SLC2A9: variants seen among roughly 807,000 people sequenced by gnomAD.
SLC2A9 encodes solute carrier family 2 member 9, also known as solute carrier family 2, facilitated glucose transporter member 9.
SLC2A9 carries 39 observed loss-of-function variants against 50.6 expected under a neutral mutation model. The ratio of observed to expected loss-of-function variants is 0.77; its 90% CI spans 0.60 to 1.01. SLC2A9 has a LOEUF of 1.01. SLC2A9 is among the 50% of genes least tolerant of loss of function. The probability of loss-of-function intolerance (pLI) is 0.00; values close to 1 mark genes in which losing one functional copy is unlikely to be tolerated. For synonymous variants in SLC2A9, 324 were observed against 276.9 expected (o/e 1.17, Z -1.69); for missense variants, 686 against 677.6 (o/e 1.01, Z -0.14).
intron 10 of SLC2A9, 95 bp from the exon 11 acceptor site, chr4:9,835,103 C>A (rs949499667): frequency 1.3e-6 from 2 of 1,574,012 alleles, no homozygotes; most frequent in Non-Finnish European, 1.7e-6. Flanking sequence ...AACCCCCCCA[C>A]CCCTGCCCCT....
At chr4:9,970,225 G>A (rs1020301697) in intron 5 of SLC2A9, among the ~76,000 whole-genome samples, 2 of 152,144 alleles carry the variant, frequency 1.3e-5, no homozygotes, top group South Asian at 2.1e-4. Context: ...GAGCAGCATC[G>A]GACATGCTTT....
intron 3 of SLC2A9, chr4:9,783,275 AAC>A (rs1486552777): frequency 1.2e-6 from 2 of 1,614,036 alleles, no homozygotes; most frequent in African/African-American, 2.7e-5. Flanking sequence ...CATGATGCCC[AAC>A]GCCGTTACCC....
At chr4:9,910,007 T>C (rs1054260413) in intron 7 of SLC2A9, among the ~76,000 whole-genome samples, 3 of 152,202 alleles carry the variant, frequency 2.0e-5, no homozygotes, top group Admixed American at 6.5e-5. Flanking sequence ...TATTCATGCA[T>C]TGGGGGGAAG....
chr4:9,777,755 C>A (rs370995440), downstream of SLC2A9, among the ~76,000 whole-genome samples: 2 of 152,260 alleles, frequency 1.3e-5, no homozygotes, highest in East Asian at 3.9e-4. Flanking sequence ...GAGGGCCAGG[C>A]GGTGATGTGA....
At chr4:9,810,623 G>A (rs1237681683) in intron 3 of SLC2A9, among the ~76,000 whole-genome samples, 1 of 152,244 alleles carries the variant, frequency 6.6e-6, no homozygotes, top group African/African-American at 2.4e-5. Context: ...ATTAAGAAAA[G>A]TCAGTGTTCA....
intron 10 of SLC2A9, among the ~76,000 whole-genome samples, chr4:9,876,892 AGTTTT>A (rs1224290324): frequency 6.6e-6 from 1 of 152,224 alleles, no homozygotes; most frequent in Non-Finnish European, 1.5e-5. Flanking sequence ...GCTACTATTT[AGTTTT>A]AAGTCTAGAT....
At chr4:9,970,138 A>G (rs1174047187) in intron 5 of SLC2A9, among the ~76,000 whole-genome samples, 2 of 152,106 alleles carry the variant, frequency 1.3e-5, no homozygotes, top group African/African-American at 4.8e-5. Flanking sequence ...CCGCTAGGGA[A>G]CCTGATAATA....
chr4:9,824,617 C>T (rs949715167), downstream of SLC2A9, among the ~76,000 whole-genome samples: 5 of 152,136 alleles, frequency 3.3e-5, no homozygotes, highest in South Asian at 1.0e-3. Flanking sequence ...ACAGTTAATG[C>T]TTTGATTTTC....
At chr4:10,035,116 T>C (rs1764056397) in intron 1 of SLC2A9, 1 of 152,326 alleles carries the variant, frequency 6.6e-6, no homozygotes, top group African/African-American at 2.4e-5. Flanking sequence ...GGCCCCCTCC[T>C]GGTAGAGCAC....
At chr4:10,027,629 C>G (rs1279194061) in intron 1 of SLC2A9, among the ~76,000 whole-genome samples, 1 of 152,120 alleles carries the variant, frequency 6.6e-6, no homozygotes, top group Non-Finnish European at 1.5e-5. Context: ...GTGGTGGCAG[C>G]TTCTGTTGCA....
At chr4:9,889,230 C>G (rs1339485460) in intron 9 of SLC2A9, among the ~76,000 whole-genome samples, 1 of 151,928 alleles carries the variant, frequency 6.6e-6, no homozygotes, top group African/African-American at 2.4e-5. Context: ...CAAGGAGAAG[C>G]TAGCCAAGCA....
At chr4:9,990,682 C>G (rs1423914882) in intron 3 of SLC2A9, among the ~76,000 whole-genome samples, 1 of 152,144 alleles carries the variant, frequency 6.6e-6, no homozygotes, top group Non-Finnish European at 1.5e-5. Context: ...CAGCTTGTAC[C>G]ATTGAAGCCT....
At chr4:9,802,559 CT>C (rs1238703528) in intron 3 of SLC2A9, among the ~76,000 whole-genome samples, 20,012 of 127,022 alleles carry the variant, frequency 0.16, 1,400 homozygotes, top group Middle Eastern at 0.21. Context: ...TTGTTCTTTT[CT>C]TTTTTTTTTT....
intron 3 of SLC2A9, among the ~76,000 whole-genome samples, chr4:9,801,813 AG>A (rs60622568): frequency 0.026 from 3,903 of 152,310 alleles, 179 homozygotes; most frequent in African/African-American, 0.089. Context: ...CAAAGAAACA[AG>A]GGGGTTACAG....
chr4:9,941,861 G>A (rs1316812162), intron 6 of SLC2A9, 52 bp downstream of exon 6: 15 of 1,611,732 alleles, frequency 9.3e-6, no homozygotes, highest in Non-Finnish European at 1.2e-5. Context: ...ATGCCTTGCA[G>A]TGATGATCTA....
chr4:9,775,234 C>T (rs556292503), downstream of SLC2A9, among the ~76,000 whole-genome samples: 46 of 152,336 alleles, frequency 3.0e-4, no homozygotes, highest in African/African-American at 8.7e-4. Context: ...ACATGACCCT[C>T]ACTTCTCACA....
At chr4:9,913,330 TGAGAGAGAGAGAGA>T (rs968021703) in intron 7 of SLC2A9, among the ~76,000 whole-genome samples, 2 of 88,730 alleles carry the variant, frequency 2.3e-5, no homozygotes, top group African/African-American at 9.2e-5. Flanking sequence ...TGTGTGTGTG[TGAGAGAGAGAGAGA>T]GAGAGAGAGA....
At chr4:9,852,171 C>A (rs932684340) in intron 10 of SLC2A9, among the ~76,000 whole-genome samples, 3 of 151,952 alleles carry the variant, frequency 2.0e-5, no homozygotes, top group African/African-American at 7.2e-5. Flanking sequence ...ACAAAGTGAA[C>A]CCCGTCAGGC....
At chr4:9,923,058 T>C (rs961347293) in intron 6 of SLC2A9, 1 of 152,236 alleles carries the variant, frequency 6.6e-6, no homozygotes, top group Non-Finnish European at 1.5e-5. Flanking sequence ...ACATGCACCC[T>C]TTCTGGCTGA....
Sources: allele counts gnomAD v4.1 joint callset (sites outside exome capture counted in the v4.1 genomes callset), GRCh38; gene constraint gnomAD v4.1.1; transcripts MANE v1.5; gene names NCBI Gene and HGNC (gene_info 2026-07-23, HGNC 2026-07-21).